The following MKNK1 variants were observed in gnomAD, a reference collection of about 807,000 sequenced individuals.
The protein encoded by MKNK1 is MAPK interacting serine/threonine kinase 1.
A neutral mutation model predicts 49.3 loss-of-function variants in MKNK1; 30 were observed. That is an observed-to-expected ratio of 0.61 (90% confidence interval 0.46 to 0.83). MKNK1 has a LOEUF of 0.83. MKNK1 is among the 40% of genes least tolerant of loss of function. The probability of loss-of-function intolerance (pLI) is 0.00; values close to 1 mark genes in which losing one functional copy is unlikely to be tolerated. For missense variants in MKNK1, 423 were observed against 524.7 expected (o/e 0.81, Z 1.89); for synonymous variants, 176 against 201.7 (o/e 0.87, Z 1.08).
chr1:46,558,326 G>A lies in MKNK1; in HGVS notation c.*249C>T. On this transcript the variant is annotated 3_prime_UTR_variant, in exon 13 of 13. Coordinates refer to ENST00000371945, the MANE Select transcript of MKNK1 (RefSeq NM_001135553.4). ...AGCCCAGTGAAGAGATGTTCCTGCT[G>A]CAGGCAATTATGCAAAGTGAGAAGT... The A allele has an allele frequency of 2.0e-6, 1 of 505,672 alleles. No individual in the cohort carries two copies. The highest frequency in any genetic ancestry group is 3.8e-5 in the Admixed American group (1 of 26,232). The allele number at this position is 505,672 out of a possible 1,614,324, so 31.3% of individuals were successfully genotyped here.
chr1:46,583,371 G>A, intron 2 of MKNK1, 42 bp from the exon 3 acceptor site: 5 of 1,450,536 alleles, frequency 3.4e-6, no homozygotes, highest in Non-Finnish European at 3.8e-6. Context: ...TCACTGTACT[G>A]ATCAAGCTGT....
chr1:46,592,105 T>C (rs1673421681), intron 2 of MKNK1, among the ~76,000 whole-genome samples: 1 of 152,206 alleles, frequency 6.6e-6, no homozygotes, highest in Non-Finnish European at 1.5e-5. Flanking sequence ...CTGGTTGTGG[T>C]GGCAGGTGTC....
In MKNK1 at chr1:46,594,264, G is replaced by C; in HGVS notation, c.-154C>G. 1 of 797,810 alleles carries C rather than the reference G, an allele frequency of 1.3e-6. No individual in the cohort carries two copies. The allele number at this position is 797,810 out of a possible 1,614,324, so 49.4% of individuals were successfully genotyped here. A position where few individuals can be genotyped will look rare whatever the true frequency, so the allele number is the denominator to read the frequency against. The stretch of plus-strand genomic sequence containing the variant: ...GGTGGCAATCTTCAGTTCTCCATCG[G>C]CCTCTGACATGGAAACCTTGAAAAA... On this transcript the variant is annotated 5_prime_UTR_variant, in exon 2 of 13. Transcript: ENST00000371945.
In MKNK1 at chr1:46,598,785, C is replaced by T. The variant is rs34337222; in HGVS notation, c.-170-4505G>A. Among the ~76,000 whole-genome samples, 299 of 152,322 alleles carry T rather than the reference C, an allele frequency of 2.0e-3. 1 individual carries two copies. Among genetic ancestry groups the T allele is most frequent in the African/African-American group, 7.0e-3 (292 of 41,576 alleles). ...TAGCCTGACTCTAGAGTCCACATAC[C>T]TAACTACTGTCTCTCTGTAAGGATG... On this transcript the variant is annotated intron_variant, in intron 1 of 12. Transcript: ENST00000371945.
rs1244771231 is a variant in MKNK1, at chr1:46,558,282, C to T, written c.*293G>A. 7.7e-6 allele frequency: 3 copies of T among 391,624 alleles called. No individual in the cohort carries two copies. The highest frequency in any genetic ancestry group is 9.2e-5 in the South Asian group (2 of 21,710). The allele number at this position is 391,624 out of a possible 1,614,324, so 24.3% of individuals were successfully genotyped here. A position where few individuals can be genotyped will look rare whatever the true frequency, so the allele number is the denominator to read the frequency against. ...GAGAGCAGGCTGGATCCCAGATCTG[C>T]AGGCGGGTGAGCAGGTGGAGCCCAG... is the stretch of plus-strand genomic sequence containing the variant. On this transcript the variant is annotated 3_prime_UTR_variant, in exon 13 of 13. Coordinates refer to ENST00000371945, the MANE Select transcript of MKNK1 (RefSeq NM_001135553.4).
intron 2 of MKNK1, chr1:46,593,487 C>T (rs947252760): frequency 2.6e-5 from 4 of 152,254 alleles, no homozygotes; most frequent in African/African-American, 9.7e-5. Flanking sequence ...TAGTATGGAG[C>T]CAGGCAAAGA....
At position 46,594,289 on chromosome 1, in the gene MKNK1, A is replaced by G. The variant is rs1294867670; in HGVS notation, c.-170-9T>C. ...GCCTCTGACATGGAAACCTTGAAAA[A>G]GCAGAAATAGAAAGGAAATCAAAAT... is the stretch of plus-strand genomic sequence containing the variant. On this transcript the variant is annotated splice_polypyrimidine_tract_variant and intron_variant, in intron 1 of 12. Coordinates refer to ENST00000371945, the MANE Select transcript of MKNK1 (RefSeq NM_001135553.4). 1 of 714,778 alleles carries G rather than the reference A, an allele frequency of 1.4e-6. No homozygotes were observed. Among genetic ancestry groups the G allele is most frequent in the East Asian group, 2.6e-5 (1 of 38,840 alleles). The allele number at this position is 714,778 out of a possible 1,614,324, so 44.3% of individuals were successfully genotyped here.
Position 46,560,234 on chromosome 1 carries a change from C to T in MKNK1, c.1013G>A (p.Arg338Lys), listed in dbSNP as rs1557819255. The T allele has an allele frequency of 6.2e-7, 1 of 1,614,124 alleles. No individual in the cohort carries two copies. The highest frequency in any genetic ancestry group is 8.5e-7 in the Non-Finnish European group (1 of 1,179,990). The change falls in exon 12 of 13, where the codon AGG becomes AAG. Residue 338 changes from arginine (R) to lysine (K), a missense_variant and splice_region_variant. Arg to Lys is a conservative substitution (Grantham distance 26, BLOSUM62 2). Transcript: ENST00000371945. ...GCGTGGGGGTGGTCAGAGCATTTACCTCTGGAGGACTTGCGGCGTGGGGAG... is the reference window on the plus strand; with the variant it reads ...GCGTGGGGGTGGTCAGAGCATTTACTTCTGGAGGACTTGCGGCGTGGGGAG... ...KGLPTPQVLQRNSSTMDLTLF... is the reference protein window; with the variant it reads ...KGLPTPQVLQKNSSTMDLTLF...
intron 1 of MKNK1, among the ~76,000 whole-genome samples, chr1:46,598,505 T>C (rs913950297): frequency 6.6e-6 from 1 of 152,178 alleles, no homozygotes; most frequent in Non-Finnish European, 1.5e-5. Flanking sequence ...CTAATAAATA[T>C]ACTTTCTATA....
chr1:46,582,948 A>T (rs763652444), intron 3 of MKNK1: 1 of 598,188 alleles, frequency 1.7e-6, no homozygotes, highest in South Asian at 1.5e-5. Context: ...ACCCCAGGCA[A>T]TGCCACTGAT....
At chr1:46,594,857 G>T in intron 1 of MKNK1, 1 of 418,406 alleles carries the variant, frequency 2.4e-6, no homozygotes, top group South Asian at 1.7e-5. Context: ...GCCAGGCATG[G>T]TGGCACACAC....
At position 46,562,848 on chromosome 1, in the gene MKNK1, G is replaced by T. The variant is rs1158924093; in HGVS notation, c.610-5C>A. Reference sequence around the variant, plus strand: ...CATGTATTCTGCAGAGCCACACTGTGGGGGCCAGGGTTGGGGGAGGGGGAG... The same window carrying T: ...CATGTATTCTGCAGAGCCACACTGTTGGGGCCAGGGTTGGGGGAGGGGGAG... On this transcript the variant is annotated splice_polypyrimidine_tract_variant and splice_region_variant and intron_variant, in intron 9 of 12. Coordinates refer to ENST00000371945, the MANE Select transcript of MKNK1 (RefSeq NM_001135553.4). 1 of 1,603,704 alleles carries T rather than the reference G, an allele frequency of 6.2e-7. No homozygotes were observed.
intron 2 of MKNK1, chr1:46,585,399 CAG>C (rs1329997533): frequency 1.3e-5 from 2 of 157,130 alleles, no homozygotes; most frequent in Non-Finnish European, 2.8e-5. Flanking sequence ...AAATAAAACA[CAG>C]GGTCACTCAT....
chr1:46,603,069 T>C (rs1234371511), intron 1 of MKNK1, among the ~76,000 whole-genome samples: 2 of 152,096 alleles, frequency 1.3e-5, no homozygotes, highest in Non-Finnish European at 2.9e-5. Context: ...GAGAGAAGTG[T>C]TGAGGTGGGA....
At chr1:46,593,995 GCTAA>G (rs1267292679) in intron 2 of MKNK1, 114 bp downstream of exon 2, 81 of 726,862 alleles carry the variant, frequency 1.1e-4, no homozygotes, top group Admixed American at 2.2e-4. Context: ...GCTATTCCTA[GCTAA>G]CTAACTAAGT....
intron 12 of MKNK1, 84 bp downstream of exon 12, chr1:46,560,150 A>G (rs998164338): frequency 6.7e-7 from 1 of 1,494,688 alleles, no homozygotes; most frequent in African/African-American, 1.4e-5. Context: ...ACCTGAGCCT[A>G]GAGATGGGCT....
chr1:46,599,672 A>G (rs17414800), intron 1 of MKNK1, among the ~76,000 whole-genome samples: 2,767 of 152,324 alleles, frequency 0.018, 41 homozygotes, highest in Non-Finnish European at 0.031. Flanking sequence ...TGGAGCCTCT[A>G]GCATAAGGAA....
chr1:46,562,862 G>T lies in MKNK1; in HGVS notation c.610-19C>A. ...AGCCACACTGTGGGGGCCAGGGTTG[G>T]GGGAGGGGGAGATGGCAGAGAACAG... On this transcript the variant is annotated intron_variant, in intron 9 of 12. Coordinates refer to ENST00000371945, the MANE Select transcript of MKNK1 (RefSeq NM_001135553.4). The T allele has an allele frequency of 6.3e-7, 1 of 1,588,812 alleles. No homozygotes were observed.
intron 7 of MKNK1, among the ~76,000 whole-genome samples, chr1:46,570,701 C>A (rs932708669): frequency 1.3e-5 from 2 of 152,222 alleles, no homozygotes; most frequent in South Asian, 4.1e-4. Flanking sequence ...ACTCCCACCC[C>A]CAACAGGCAG....
Sources: gnomAD v4.1 joint callset for allele counts (sites outside exome capture counted in the v4.1 genomes callset) on GRCh38, gnomAD v4.1.1 for gene constraint, MANE v1.5 for transcripts, NCBI Gene and HGNC (gene_info 2026-07-23, HGNC 2026-07-21) for gene names.